Variants in STIM2 observed in about 807,000 individuals in gnomAD.
STIM2 encodes stromal interaction molecule 2.
In STIM2, 31 loss-of-function variants were observed where a neutral mutation model predicts 85.8. The observed-to-expected ratio is 0.36, with a 90% confidence interval of 0.27 to 0.49. The LOEUF (loss-of-function observed/expected upper bound fraction) is 0.49, where lower values mean the gene tolerates loss of function less well. Ranked by LOEUF, STIM2 falls within the 20% of genes least tolerant of loss-of-function variation. The probability of loss-of-function intolerance (pLI) is 0.98; values close to 1 mark genes in which losing one functional copy is unlikely to be tolerated. For missense variants in STIM2, 841 were observed against 927.6 expected (o/e 0.91, Z 1.21); for synonymous variants, 356 against 331.1 (o/e 1.08, Z -0.82).
chr4:26,990,703 A>C (rs1160709468), intron 3 of STIM2, among the ~76,000 whole-genome samples: 1 of 152,176 alleles, frequency 6.6e-6, no homozygotes, highest in Non-Finnish European at 1.5e-5. Flanking sequence ...ACAAGAGATT[A>C]ATAACCAGAA....
chr4:26,919,696 T>C, intron 2 of STIM2, 62 bp downstream of exon 2: 1 of 1,568,518 alleles, frequency 6.4e-7, no homozygotes, highest in Admixed American at 1.9e-5. Flanking sequence ...TTTCTGTTTC[T>C]GGTCTTCAAT....
intron 3 of STIM2, among the ~76,000 whole-genome samples, chr4:26,991,864 G>A (rs1177252641): frequency 1.3e-5 from 2 of 151,986 alleles, no homozygotes; most frequent in African/African-American, 4.8e-5. Flanking sequence ...ACACTGACCT[G>A]TAGCACTGGC....
At chr4:26,997,809 A>T (rs58575302) in intron 4 of STIM2, among the ~76,000 whole-genome samples, 3,694 of 152,346 alleles carry the variant, frequency 0.024, 137 homozygotes, top group African/African-American at 0.078. Flanking sequence ...ATACGAAAGT[A>T]CCTGTGGAGA....
chr4:26,882,749 T>C (rs1723058453), intron 1 of STIM2, among the ~76,000 whole-genome samples: 1 of 152,068 alleles, frequency 6.6e-6, no homozygotes. Context: ...TGAGCCACGG[T>C]ACCTGGCCCA....
intron 1 of STIM2, among the ~76,000 whole-genome samples, chr4:26,896,747 T>G (rs1723724140): frequency 6.6e-6 from 1 of 152,178 alleles, no homozygotes; most frequent in Non-Finnish European, 1.5e-5. Flanking sequence ...TTCACCAGTT[T>G]TTGCAGGCAT....
chr4:26,915,416 G>A (rs114016840), intron 1 of STIM2, among the ~76,000 whole-genome samples: 1,935 of 152,088 alleles, frequency 0.013, 16 homozygotes, highest in Non-Finnish European at 0.02. Flanking sequence ...TGTATTTTTC[G>A]TAGGGATAGG....
chr4:26,983,683 C>T (rs1294498178), intron 3 of STIM2, among the ~76,000 whole-genome samples: 1 of 152,174 alleles, frequency 6.6e-6, no homozygotes, highest in Admixed American at 6.5e-5. Flanking sequence ...AGTGAAAACT[C>T]AATTTTTAGC....
At chr4:26,939,166 C>T (rs1185568188) in intron 2 of STIM2, among the ~76,000 whole-genome samples, 1 of 152,022 alleles carries the variant, frequency 6.6e-6, no homozygotes, top group Non-Finnish European at 1.5e-5. Context: ...GTACTTTTTC[C>T]CTGTCCTGCC....
At chr4:27,002,416 CTCAT>C in intron 6 of STIM2, 22 bp downstream of exon 6, 1 of 1,567,142 alleles carries the variant, frequency 6.4e-7, no homozygotes. Context: ...AAAATCATAA[CTCAT>C]TTATGTAGGC....
intron 1 of STIM2, among the ~76,000 whole-genome samples, chr4:26,866,468 G>A (rs1260889578): frequency 6.6e-6 from 1 of 152,196 alleles, no homozygotes; most frequent in Non-Finnish European, 1.5e-5. Flanking sequence ...TTACCTGGAG[G>A]AGGGCAGGAT....
In STIM2 at chr4:27,023,351, G is replaced by T; in HGVS notation, c.*355G>T. On this transcript the variant is annotated 3_prime_UTR_variant, in exon 12 of 12. Coordinates refer to ENST00000467087, the MANE Select transcript of STIM2 (RefSeq NM_020860.4). Reference sequence around the variant, plus strand: ...TTAATGGACTCGTAAGCCAGCATGGGCTTGCAAAAATTTCTTGTTTACCAG... The same window carrying T: ...TTAATGGACTCGTAAGCCAGCATGGTCTTGCAAAAATTTCTTGTTTACCAG... The T allele has an allele frequency of 4.9e-6, 1 of 204,252 alleles. No individual in the cohort carries two copies. The highest frequency in any genetic ancestry group is 1.0e-4 in the South Asian group (1 of 9,834). 12.7% of individuals were successfully genotyped at this position (204,252 alleles called of 1,614,324 possible).
intron 1 of STIM2, among the ~76,000 whole-genome samples, chr4:26,918,755 C>T (rs1394082317): frequency 6.6e-6 from 1 of 152,128 alleles, no homozygotes; most frequent in Non-Finnish European, 1.5e-5. Flanking sequence ...CATGTTAAGC[C>T]ATTGAAAAAT....
intron 3 of STIM2, among the ~76,000 whole-genome samples, chr4:26,979,714 A>G (rs1727312836): frequency 6.6e-6 from 1 of 152,196 alleles, no homozygotes; most frequent in South Asian, 2.1e-4. Flanking sequence ...TGGAATTACA[A>G]AGAGTTTTAT....
Position 26,861,045 on chromosome 4 carries a change from C to CG in STIM2, c.-169dup. The CG allele has an allele frequency of 8.7e-7, 1 of 1,150,334 alleles. No individual in the cohort carries two copies. The highest frequency in any genetic ancestry group is 1.1e-6 in the Non-Finnish European group (1 of 927,934). The allele number at this position is 1,150,334 out of a possible 1,614,324, so 71.3% of individuals were successfully genotyped here. The stretch of plus-strand genomic sequence containing the variant: ...CGGCGGGAGCCCGTGTCTGAGGCGG[C>CG]GGGGGCGGCCGGAGGAGTCGCCGGC... On this transcript the variant is annotated 5_prime_UTR_variant, in exon 1 of 12. Coordinates refer to ENST00000467087, the MANE Select transcript of STIM2 (RefSeq NM_020860.4).
rs758791089 is a variant in STIM2, at chr4:26,995,444, G to A, written c.463G>A (p.Glu155Lys). 3.9e-5 allele frequency: 63 copies of A among 1,602,804 alleles called. No homozygotes were observed. Among genetic ancestry groups the A allele is most frequent in the Non-Finnish European group, 5.1e-5 (60 of 1,174,918 alleles). The change falls in exon 4 of 12, where the codon GAG (glutamate) becomes AAG (lysine). Residue 155 changes from glutamate to lysine, a missense_variant. Physicochemically the swap from Glu to Lys is moderately conservative, Grantham distance 56. Coordinates refer to ENST00000467087, the MANE Select transcript of STIM2 (RefSeq NM_020860.4). Reference sequence around the variant, plus strand: ...AGAGTTTGTTGAACTACCCCAATATGAGAAGAATTTTAGAGACAACAATGT... The same window carrying A: ...AGAGTTTGTTGAACTACCCCAATATAAGAAGAATTTTAGAGACAACAATGT...
chr4:26,885,821 T>TTATATATATATATATATATA (rs56851120), intron 1 of STIM2, among the ~76,000 whole-genome samples: 7 of 84,624 alleles, frequency 8.3e-5, no homozygotes, highest in Non-Finnish European at 1.6e-4. Context: ...GCACCTCAGG[T>TTATATATATATATATATATA]TATATATATA....
At chr4:27,007,860 A>C in intron 8 of STIM2, 160 bp downstream of exon 8, 6 of 795,320 alleles carry the variant, frequency 7.5e-6, no homozygotes, top group Non-Finnish European at 1.2e-5. Context: ...AGTAATCATA[A>C]GCTTTAAATT....
At chr4:26,885,869 A>ATATATATATG (rs1723224330) in intron 1 of STIM2, among the ~76,000 whole-genome samples, 1 of 105,210 alleles carries the variant, frequency 9.5e-6, no homozygotes, top group Non-Finnish European at 2.0e-5. Flanking sequence ...ATATATATAT[A>ATATATATATG]TATATGTATA....
intron 1 of STIM2, among the ~76,000 whole-genome samples, chr4:26,892,773 G>A (rs1723544857): frequency 6.6e-6 from 1 of 152,120 alleles, no homozygotes; most frequent in South Asian, 2.1e-4. Context: ...TAACCCTGAG[G>A]TAAGAGTGAA....
Sources: allele counts gnomAD v4.1 joint callset (sites outside exome capture counted in the v4.1 genomes callset), GRCh38; gene constraint gnomAD v4.1.1; transcripts MANE v1.5; gene names NCBI Gene and HGNC (gene_info 2026-07-23, HGNC 2026-07-21).